The following TRIML2 variants were observed in gnomAD, a reference collection of about 807,000 sequenced individuals.
TRIML2 encodes probable E3 ubiquitin-protein ligase TRIML2.
Under a neutral mutation model 31.2 loss-of-function variants are expected in TRIML2, and 28 were observed. That is an observed-to-expected ratio of 0.90 (90% CI 0.66 to 1.23). The LOEUF (loss-of-function observed/expected upper bound fraction) is 1.23. Among genes scored for constraint, TRIML2 ranks in the 50% most tolerant of loss-of-function variants. The pLI is 0.00. For synonymous variants in TRIML2, 187 were observed against 197.5 expected (o/e 0.95, Z 0.45); for missense variants, 536 against 528.3 (o/e 1.01, Z -0.14).
intron 3 of TRIML2, among the ~76,000 whole-genome samples, chr4:188,104,173 G>C (rs184448286): frequency 1.3e-5 from 2 of 152,174 alleles, no homozygotes; most frequent in Admixed American, 6.5e-5. Context: ...AAACGGTGTC[G>C]TTAATCTTTT....
At position 188,091,371 on chromosome 4, in the gene TRIML2, G is replaced by C. The variant is rs1282926321; in HGVS notation, c.*2C>G. On this transcript the variant is annotated 3_prime_UTR_variant, in exon 8 of 8. Transcript: ENST00000682553. ...GTGGTCTTGGATTTTACACACAGAA[G>C]ATTAAGGGCTAACAGTAGCATCACA... The C allele has an allele frequency of 6.2e-7, 1 of 1,609,310 alleles. No individual in the cohort carries two copies. The highest frequency in any genetic ancestry group is 1.7e-5 in the Admixed American group (1 of 59,686).
At position 188,091,292 on chromosome 4, in the gene TRIML2, G is replaced by T; in HGVS notation, c.*81C>A. The T allele has an allele frequency of 7.3e-7, 1 of 1,373,622 alleles. No individual in the cohort carries two copies. Among genetic ancestry groups the T allele is most frequent in the Non-Finnish European group, 1.0e-6 (1 of 998,808 alleles). The allele number at this position is 1,373,622 out of a possible 1,614,324, so 85.1% of individuals were successfully genotyped here. On this transcript the variant is annotated 3_prime_UTR_variant, in exon 8 of 8. Coordinates refer to ENST00000682553, the MANE Select transcript of TRIML2 (RefSeq NM_173553.4). Reference sequence around the variant, plus strand: ...CCTACTCCTGGAACGCTTTTTATTGGGTTAGTTTACACAAATTCTTTCAAA... The same window carrying T: ...CCTACTCCTGGAACGCTTTTTATTGTGTTAGTTTACACAAATTCTTTCAAA...
Position 188,091,592 on chromosome 4 carries a change from C to A in TRIML2, c.1095G>T (p.Lys365Asn). 6.2e-7 allele frequency: 1 copy of A among 1,614,182 alleles called. No homozygotes were observed. The highest frequency in any genetic ancestry group is 8.5e-7 in the Non-Finnish European group (1 of 1,180,034). The change falls in exon 8 of 8, where the codon AAG becomes AAT. Residue 365 changes from lysine to asparagine, a missense_variant. By Grantham distance (94) the Lys-to-Asn change is moderately conservative. Coordinates refer to ENST00000682553, the MANE Select transcript of TRIML2 (RefSeq NM_173553.4). ...GGAAAACGCCAACTGTGTCCAACTT[C>A]TTTTCCAGGAAGAGCCTTTTCAGAG... ...FPPLKRLFLE[K>N]KLDTVGVFLD...
rs1322673243 is a variant in TRIML2 at position 188,097,167 on chromosome 4, G to A, written c.645-6C>T. 6.2e-7 allele frequency: 1 copy of A among 1,613,594 alleles called. No individual in the cohort carries two copies. Among genetic ancestry groups the A allele is most frequent in the African/African-American group, 1.3e-5 (1 of 75,018 alleles). On this transcript the variant is annotated splice_polypyrimidine_tract_variant and splice_region_variant and intron_variant, in intron 6 of 7. Coordinates refer to ENST00000682553, the MANE Select transcript of TRIML2 (RefSeq NM_173553.4). ...CAAGCAGCAGTGACTTGCTCCTGAAGAGAAAGGACAGCCTCAGTCATCTGC... is the reference window on the plus strand; with the variant it reads ...CAAGCAGCAGTGACTTGCTCCTGAAAAGAAAGGACAGCCTCAGTCATCTGC...
At chr4:188,105,071 G>A (rs1733968787) in intron 2 of TRIML2, 109 bp downstream of exon 2, 7 of 1,414,318 alleles carry the variant, frequency 4.9e-6, no homozygotes, top group Non-Finnish European at 6.9e-6. Context: ...CTAATATTCT[G>A]TAATAAACAT....
intron 7 of TRIML2, among the ~76,000 whole-genome samples, chr4:188,093,318 GTC>G (rs1733348145): frequency 6.6e-6 from 1 of 152,164 alleles, no homozygotes; most frequent in Admixed American, 6.5e-5. Context: ...TTAAAAAATT[GTC>G]TGAGACTCTC....
At chr4:188,095,922 G>T (rs1733485291) in intron 7 of TRIML2, among the ~76,000 whole-genome samples, 1 of 152,186 alleles carries the variant, frequency 6.6e-6, no homozygotes, top group Admixed American at 6.5e-5. Context: ...ACTGCAGTAT[G>T]CTGTCAGCCT....
intron 4 of TRIML2, among the ~76,000 whole-genome samples, chr4:188,099,608 T>C (rs1018975396): frequency 4.0e-5 from 6 of 150,952 alleles, no homozygotes; most frequent in African/African-American, 1.5e-4. Context: ...AAAACCCTGC[T>C]TTTCTGCCTG....
chr4:188,105,538 G>A lies in TRIML2; in HGVS notation c.-170C>T. On this transcript the variant is annotated 5_prime_UTR_variant, in exon 2 of 8. Coordinates refer to ENST00000682553, the MANE Select transcript of TRIML2 (RefSeq NM_173553.4). ...AAGGAAATAAGTCCACGCAGACAGA[G>A]CGGGTCGGCGCTCTGGACTCCTCAA... 1 of 485,960 alleles carries A rather than the reference G, an allele frequency of 2.1e-6. No individual in the cohort carries two copies. Among genetic ancestry groups the A allele is most frequent in the Admixed American group, 3.2e-5 (1 of 30,974 alleles). 30.1% of individuals were successfully genotyped at this position (485,960 alleles called of 1,614,324 possible). A position where few individuals can be genotyped will look rare whatever the true frequency, so the allele number is the denominator to read the frequency against.
In TRIML2 at chr4:188,105,379, G is replaced by A. The variant is rs1733984754; in HGVS notation, c.-11C>T. On this transcript the variant is annotated 5_prime_UTR_variant, in exon 2 of 8. Transcript: ENST00000682553. Reference sequence around the variant, plus strand: ...GAGCCTTTTGGACATCCTGGTAGGGGTCCCTAGTTGAAGACTGGACTGTAT... The same window carrying A: ...GAGCCTTTTGGACATCCTGGTAGGGATCCCTAGTTGAAGACTGGACTGTAT... 5 of 1,553,134 alleles carry A rather than the reference G, an allele frequency of 3.2e-6. No individual in the cohort carries two copies. The highest frequency in any genetic ancestry group is 1.8e-5 in the Admixed American group (1 of 55,188).
At chr4:188,106,061 T>A (rs1182345722) in intron 1 of TRIML2, 1 of 152,056 alleles carries the variant, frequency 6.6e-6, no homozygotes, top group Non-Finnish European at 1.5e-5. Flanking sequence ...CCTCTTTTTT[T>A]TTTTTTGAGA....
Position 188,091,948 on chromosome 4 carries a change from G to A in TRIML2, c.746-7C>T. 6.2e-7 allele frequency: 1 copy of A among 1,601,646 alleles called. No individual in the cohort carries two copies. Among genetic ancestry groups the A allele is most frequent in the Non-Finnish European group, 8.5e-7 (1 of 1,176,194 alleles). ...GGATCCAATGTTAAATGTCCTATCA[G>A]GAGAGAAAACCCTCGTTAACCTAGG... On this transcript the variant is annotated splice_region_variant and splice_polypyrimidine_tract_variant and intron_variant, in intron 7 of 7. Transcript: ENST00000682553.
At chr4:188,107,103 C>T (rs1482636452) in intron 1 of TRIML2, among the ~76,000 whole-genome samples, 1 of 116,368 alleles carries the variant, frequency 8.6e-6, no homozygotes, top group Non-Finnish European at 2.0e-5. Flanking sequence ...CAACCTCCGC[C>T]TCCCGGGTTC....
chr4:188,104,973 T>C (rs759396523), intron 2 of TRIML2, 41 bp from the exon 3 acceptor site: 9 of 1,566,818 alleles, frequency 5.7e-6, no homozygotes, highest in Non-Finnish European at 7.9e-6. Flanking sequence ...ATCATTGATT[T>C]AGAACAGTTG....
intron 1 of TRIML2, among the ~76,000 whole-genome samples, chr4:188,107,600 C>T (rs970033415): frequency 6.6e-6 from 1 of 152,186 alleles, no homozygotes; most frequent in Non-Finnish European, 1.5e-5. Flanking sequence ...AGATGTTAAA[C>T]TTTTGGATCA....
chr4:188,095,345 C>T (rs919351045), intron 7 of TRIML2, among the ~76,000 whole-genome samples: 2 of 152,072 alleles, frequency 1.3e-5, no homozygotes, highest in Non-Finnish European at 1.5e-5. Flanking sequence ...GAATACAAAC[C>T]ATGCTGGGAG....
chr4:188,097,098 G>A lies in TRIML2; in HGVS notation c.708C>T (p.His236=), dbSNP rs755539122. The A allele has an allele frequency of 3.1e-6, 5 of 1,614,044 alleles. No homozygotes were observed. Among genetic ancestry groups the A allele is most frequent in the Non-Finnish European group, 4.2e-6 (5 of 1,179,978 alleles). ...TGAACATGCTGCTGAGTCCTCTTAT[G>A]TGGCATAAACTCAGGTCTGTGATAT... The part of the protein sequence containing the change: ...PAHITDLSLC[H]IRGLSSMFRV... The change falls in exon 7 of 8, where the codon CAC becomes CAT. Residue 236 remains histidine, a synonymous_variant. Coordinates refer to ENST00000682553, the MANE Select transcript of TRIML2 (RefSeq NM_173553.4).
intron 3 of TRIML2, among the ~76,000 whole-genome samples, chr4:188,103,431 C>T (rs1300988987): frequency 1.3e-5 from 2 of 152,088 alleles, no homozygotes; most frequent in Non-Finnish European, 2.9e-5. Flanking sequence ...TTGAAGGCTG[C>T]CACCCTAAAT....
intron 1 of TRIML2, among the ~76,000 whole-genome samples, chr4:188,106,225 A>G (rs770687482): frequency 4.7e-4 from 72 of 151,708 alleles, no homozygotes; most frequent in Middle Eastern, 6.8e-3. Context: ...AATTTTTTGT[A>G]TTTTTGTAGT....
Sources: allele counts gnomAD v4.1 joint callset (sites outside exome capture counted in the v4.1 genomes callset), GRCh38; gene constraint gnomAD v4.1.1; transcripts MANE v1.5; gene names NCBI Gene and HGNC (gene_info 2026-07-23, HGNC 2026-07-21).